Variants in ARHGAP25 observed in about 807,000 individuals in gnomAD.
ARHGAP25 encodes rho GTPase-activating protein 25.
ARHGAP25 carries 34 observed loss-of-function variants against 71.0 expected under a neutral mutation model. The ratio of observed to expected loss-of-function variants is 0.48; its 90% CI spans 0.36 to 0.64. The LOEUF is 0.64. Ranked by LOEUF, ARHGAP25 falls within the 30% of genes least tolerant of loss-of-function variation. ARHGAP25 has a pLI of 0.00. For synonymous variants in ARHGAP25, 282 were observed against 296.5 expected (o/e 0.95, Z 0.50); for missense variants, 706 against 805.1 (o/e 0.88, Z 1.49).
intron 4 of ARHGAP25, 114 bp from the exon 5 acceptor site, chr2:68,807,159 G>T (rs756861257): frequency 2.2e-5 from 20 of 929,784 alleles, no homozygotes; most frequent in Non-Finnish European, 3.4e-5. Flanking sequence ...CCCATATTTT[G>T]TCTAGTATCA....
At chr2:68,806,221 C>T (rs1309189384) in intron 4 of ARHGAP25, among the ~76,000 whole-genome samples, 1 of 152,198 alleles carries the variant, frequency 6.6e-6, no homozygotes, top group Non-Finnish European at 1.5e-5. Context: ...GAATGAAACG[C>T]TTTTGTTCAT....
chr2:68,819,856 C>G (rs1206083348), intron 9 of ARHGAP25: 1 of 211,084 alleles, frequency 4.7e-6, no homozygotes, highest in Non-Finnish European at 9.3e-6. Flanking sequence ...AAAAGCTCTG[C>G]TGACTCTGAA....
chr2:68,816,137 T>C, intron 6 of ARHGAP25, 152 bp from the exon 7 acceptor site: 1 of 715,912 alleles, frequency 1.4e-6, no homozygotes, highest in South Asian at 1.5e-5. Flanking sequence ...TTTCCCTTTT[T>C]TTTTTTAAAC....
Position 68,822,594 on chromosome 2 carries a change from A to T in ARHGAP25, c.1455A>T (p.Arg485Ser). 3 of 1,614,144 alleles carry T rather than the reference A, an allele frequency of 1.9e-6. No homozygotes were observed. The highest frequency in any genetic ancestry group is 2.5e-6 in the Non-Finnish European group (3 of 1,180,026). The change falls in exon 10 of 11, where the codon AGA becomes AGT. Residue 485 changes from arginine (R) to serine (S), a missense_variant. Coordinates refer to ENST00000409202, the MANE Select transcript of ARHGAP25 (RefSeq NM_001007231.3). ...CTAAGGCAGGGGAAGGGCACAGGAG[A>T]ACGATGTCTCAAGACTTGCGCCAAC... ...SEAKAGEGHR[R>S]TMSQDLRQLS...
chr2:68,824,852 C>G (rs192767144), intron 10 of ARHGAP25, among the ~76,000 whole-genome samples: 1 of 152,238 alleles, frequency 6.6e-6, no homozygotes, highest in East Asian at 1.9e-4. Context: ...ACAGAATAGG[C>G]CAAGGCCCTT....
At chr2:68,733,309 C>T (rs1675075596), upstream of ARHGAP25, among the ~76,000 whole-genome samples, 1 of 152,020 alleles carries the variant, frequency 6.6e-6, no homozygotes, top group Non-Finnish European at 1.5e-5. Flanking sequence ...ACAGGGAAGT[C>T]GTAGGTATCC....
chr2:68,790,098 C>G (rs1364592004), intron 4 of ARHGAP25, among the ~76,000 whole-genome samples: 1 of 152,170 alleles, frequency 6.6e-6, no homozygotes, highest in African/African-American at 2.4e-5. Context: ...GAGCGATTCT[C>G]CTACCTCAGC....
chr2:68,727,297 C>T (rs189520021), intron 2 of ARHGAP25, among the ~76,000 whole-genome samples: 4 of 152,328 alleles, frequency 2.6e-5, no homozygotes, highest in African/African-American at 9.6e-5. Flanking sequence ...GACTTCAGGC[C>T]ATCTTTTTTT....
chr2:68,818,053 C>A, intron 8 of ARHGAP25, 59 bp downstream of exon 8: 1 of 1,600,192 alleles, frequency 6.2e-7, no homozygotes, highest in South Asian at 1.1e-5. Flanking sequence ...CAACATTCCC[C>A]CTGATATTTG....
chr2:68,773,733 A>G (rs1037265224), intron 1 of ARHGAP25, among the ~76,000 whole-genome samples: 2 of 152,214 alleles, frequency 1.3e-5, no homozygotes, highest in Non-Finnish European at 2.9e-5. Context: ...TGATGATGGA[A>G]TGACATTTTG....
chr2:68,810,726 CTTCTCTTTTTTTTTTT>C (rs1573607024), intron 5 of ARHGAP25, among the ~76,000 whole-genome samples: 6 of 124,106 alleles, frequency 4.8e-5, no homozygotes, highest in East Asian at 2.1e-4. Context: ...CTTTTCTTTT[CTTCTCTTTTTTTTTTT>C]TTTTTTTTTT....
In ARHGAP25 at chr2:68,819,209, C is replaced by T. The variant is rs1404490079; in HGVS notation, c.1090C>T (p.Pro364Ser). ...FPKSKDIPLS[P>S]PAQKNDPKKA... ...CAAGTCCAAGGATATACCCCTGTCA[C>T]CCCCTGCCCAGAAAAATGACCCCAA... The change falls in exon 9 of 11, where the codon CCC (proline) becomes TCC (serine). Residue 364 changes from proline (P) to serine (S), a missense_variant. Transcript: ENST00000409202. The T allele has an allele frequency of 2.5e-6, 4 of 1,613,986 alleles. No homozygotes were observed. The highest frequency in any genetic ancestry group is 1.7e-5 in the Admixed American group (1 of 60,000).
intron 2 of ARHGAP25, among the ~76,000 whole-genome samples, chr2:68,781,223 T>TA (rs570635182): frequency 6.6e-5 from 10 of 151,652 alleles, no homozygotes; most frequent in South Asian, 4.2e-4. Context: ...CCATCTCCAC[T>TA]AAAAAAAATA....
intron 2 of ARHGAP25, among the ~76,000 whole-genome samples, chr2:68,716,326 G>A (rs1448100395): frequency 2.0e-5 from 3 of 152,246 alleles, no homozygotes; most frequent in African/African-American, 7.2e-5. Context: ...ATGAAATAGT[G>A]GAGGAGGAGA....
chr2:68,780,932 C>A (rs534358546), intron 2 of ARHGAP25, among the ~76,000 whole-genome samples: 1 of 152,164 alleles, frequency 6.6e-6, no homozygotes. Flanking sequence ...CCTTCAACAG[C>A]CAGCGAGGTG....
Position 68,726,579 on chromosome 2 carries a change from TCAGGCCTC to T in ARHGAP25, c.-18+15885_-18+15892del, listed in dbSNP as rs202008265. Among the ~76,000 whole-genome samples, 1,166 of 152,366 alleles carry T rather than the reference TCAGGCCTC, an allele frequency of 7.7e-3. 7 individuals are homozygous for T. The highest frequency in any genetic ancestry group is 0.035 in the East Asian group (184 of 5,194). ...GCAGTAATAATGCCCGTCTTGGCCT[TCAGGCCTC>T]CAGATATAAATTTTTTGGCTATGGG... On this transcript the variant is annotated intron_variant and NMD_transcript_variant, in intron 2 of 7. Transcript: ENST00000463483.
At chr2:68,795,635 T>C (rs974682394) in intron 4 of ARHGAP25, among the ~76,000 whole-genome samples, 1 of 152,192 alleles carries the variant, frequency 6.6e-6, no homozygotes, top group Non-Finnish European at 1.5e-5. Flanking sequence ...AGATACTTGA[T>C]ATGATTTCAG....
Position 68,817,911 on chromosome 2 carries a change from A to G in ARHGAP25, c.920A>G (p.Lys307Arg), listed in dbSNP as rs1001569877. ...ATACAGCTGAACTGTGCTGTTAACA[A>G]GATGAGTGTGGACAACCTGGCTACT... ...HEIQLNCAVN[K>R]MSVDNLATVI... Residue 307 changes from lysine (K) to arginine (R), a missense_variant, in exon 8 of 11, where the codon AAG becomes AGG. Transcript: ENST00000409202. 3 of 1,614,150 alleles carry G rather than the reference A, an allele frequency of 1.9e-6. No individual in the cohort carries two copies. The Admixed American group carries it at 5.0e-5, about 27-fold the overall frequency.
Position 68,826,004 on chromosome 2 carries a change from A to G in ARHGAP25, c.1751A>G (p.Tyr584Cys). Residue 584 changes from tyrosine to cysteine, a missense_variant, in exon 11 of 11, where the codon TAT (tyrosine) becomes TGT (cysteine). Physicochemically the swap from Tyr to Cys is radical, Grantham distance 194. Coordinates refer to ENST00000409202, the MANE Select transcript of ARHGAP25 (RefSeq NM_001007231.3). ...EQIKNLEKEN[Y>C]DVWAKVVRLN... ...CCTTGTAGCCTTGAGAAGGAAAATT[A>G]TGACGTTTGGGCTAAAGTGGTGAGG... is the stretch of plus-strand genomic sequence containing the variant. The G allele has an allele frequency of 2.5e-6, 4 of 1,612,776 alleles. No homozygotes were observed. The highest frequency in any genetic ancestry group is 3.4e-6 in the Non-Finnish European group (4 of 1,179,548).
Sources: gnomAD v4.1 joint callset for allele counts (sites outside exome capture counted in the v4.1 genomes callset) on GRCh38, gnomAD v4.1.1 for gene constraint, MANE v1.5 for transcripts, NCBI Gene and HGNC (gene_info 2026-07-23, HGNC 2026-07-21) for gene names.